Variants in HCRTR2 observed in about 807,000 individuals in gnomAD.
The protein encoded by HCRTR2 is orexin receptor type 2.
Under a neutral mutation model 49.0 loss-of-function variants are expected in HCRTR2, and 22 were observed. That is an observed-to-expected ratio of 0.45 (90% CI 0.32 to 0.64). The LOEUF (loss-of-function observed/expected upper bound fraction) is 0.64. HCRTR2 is among the 30% of genes least tolerant of loss of function. HCRTR2 has a pLI of 0.04. For missense variants in HCRTR2, 491 were observed against 559.4 expected (o/e 0.88, Z 1.23); for synonymous variants, 236 against 205.3 (o/e 1.15, Z -1.28).
At chr6:55,147,890 T>A (rs1764616178) in intron 1 of HCRTR2, among the ~76,000 whole-genome samples, 1 of 152,092 alleles carries the variant, frequency 6.6e-6, no homozygotes, top group Non-Finnish European at 1.5e-5. Context: ...TAAATGGAAT[T>A]GTTAGAGTTT....
Position 55,140,177 on chromosome 6 carries a change from G to T in HCRTR2, c.-378+33632G>T, listed in dbSNP as rs75701446. ...AATCTGACCCTTTTTTTAGTGAATG[G>T]AAAACCAACCAGATATCTCCCACAA... On this transcript the variant is annotated intron_variant, in intron 1 of 7. Transcript: ENST00000615358. 5.9e-3 allele frequency among the ~76,000 whole-genome samples: 899 copies of T among 152,062 alleles called. 13 individuals are homozygous for T. Among genetic ancestry groups the T allele is most frequent in the African/African-American group, 0.021 (873 of 41,480 alleles).
chr6:55,238,822 T>A (rs1766264535), intron 1 of HCRTR2, among the ~76,000 whole-genome samples: 1 of 152,134 alleles, frequency 6.6e-6, no homozygotes, highest in African/African-American at 2.4e-5. Context: ...TAAAGACAGA[T>A]ATGCGGTGAA....
chr6:55,202,299 C>T (rs1175212779), intron 1 of HCRTR2, among the ~76,000 whole-genome samples: 1 of 152,114 alleles, frequency 6.6e-6, no homozygotes, highest in Non-Finnish European at 1.5e-5. Flanking sequence ...TACTCTCAAC[C>T]CACTCATGAA....
Position 55,281,586 on chromosome 6 carries a change from C to T in HCRTR2, c.1106-639C>T, listed in dbSNP as rs531025761. 3.7e-4 allele frequency among the ~76,000 whole-genome samples: 57 copies of T among 152,280 alleles called. 1 individual carries two copies. The South Asian group carries it at 0.011, about 28-fold the overall frequency. Reference sequence around the variant, plus strand: ...TGAGGCTAAGAGAGAAGAAATGATTCGCAATACTGCCATTCACACTAATAA... The same window carrying T: ...TGAGGCTAAGAGAGAAGAAATGATTTGCAATACTGCCATTCACACTAATAA... On this transcript the variant is annotated intron_variant, in intron 6 of 6. Coordinates refer to ENST00000370862, the MANE Select transcript of HCRTR2 (RefSeq NM_001384272.1).
chr6:55,240,953 TTTTG>T (rs1210551100), intron 1 of HCRTR2, among the ~76,000 whole-genome samples: 1 of 151,814 alleles, frequency 6.6e-6, no homozygotes, highest in Non-Finnish European at 1.5e-5. Context: ...CCTTCTTTTT[TTTTG>T]TTTTCTTTTC....
intron 1 of HCRTR2, among the ~76,000 whole-genome samples, chr6:55,177,287 T>G (rs1181913372): frequency 1.3e-5 from 2 of 152,194 alleles, no homozygotes; most frequent in Non-Finnish European, 2.9e-5. Flanking sequence ...CCTCTCTGGT[T>G]GAACTGAAAT....
chr6:55,213,776 A>C (rs1253067674), intron 1 of HCRTR2, among the ~76,000 whole-genome samples: 1 of 152,150 alleles, frequency 6.6e-6, no homozygotes, highest in African/African-American at 2.4e-5. Flanking sequence ...CCTAAATACA[A>C]GTGCTAATTG....
intron 1 of HCRTR2, among the ~76,000 whole-genome samples, chr6:55,202,319 C>T (rs1287939055): frequency 6.6e-6 from 1 of 152,172 alleles, no homozygotes; most frequent in Admixed American, 6.5e-5. Context: ...AATTAAAGCA[C>T]ATTGGAAAAC....
intron 1 of HCRTR2, among the ~76,000 whole-genome samples, chr6:55,245,131 G>T (rs2127308929): frequency 6.6e-6 from 1 of 151,684 alleles, no homozygotes; most frequent in South Asian, 2.1e-4. Context: ...TTTTGCTTAA[G>T]ATTCATTTGA....
At chr6:55,195,500 A>G (rs569437656) in intron 1 of HCRTR2, among the ~76,000 whole-genome samples, 1 of 152,318 alleles carries the variant, frequency 6.6e-6, no homozygotes, top group African/African-American at 2.4e-5. Flanking sequence ...TCAGGAATTG[A>G]TCCAGTTTTT....
chr6:55,247,708 T>C (rs1766473175), intron 1 of HCRTR2, among the ~76,000 whole-genome samples: 1 of 152,124 alleles, frequency 6.6e-6, no homozygotes, highest in African/African-American at 2.4e-5. Flanking sequence ...CTGGGTGTTC[T>C]TTCAGTAAAG....
downstream of HCRTR2, among the ~76,000 whole-genome samples, chr6:55,284,670 A>T (rs1057461159): frequency 1.4e-4 from 19 of 131,744 alleles, no homozygotes; most frequent in African/African-American, 5.2e-4. Flanking sequence ...TCATCTTATT[A>T]AAAAAAAAAC....
intron 1 of HCRTR2, among the ~76,000 whole-genome samples, chr6:55,182,035 TA>T (rs1434920258): frequency 1.3e-5 from 2 of 152,236 alleles, no homozygotes; most frequent in African/African-American, 2.4e-5. Context: ...TATGCCATAG[TA>T]GCAAACAAAC....
chr6:55,113,636 A>T (rs751334931), intron 1 of HCRTR2, among the ~76,000 whole-genome samples: 16 of 142,808 alleles, frequency 1.1e-4, no homozygotes, highest in Non-Finnish European at 2.0e-4. Flanking sequence ...ATTAAAAAAT[A>T]AAAAAAAAAT....
intron 1 of HCRTR2, among the ~76,000 whole-genome samples, chr6:55,129,761 T>C (rs937045497): frequency 2.0e-5 from 3 of 152,030 alleles, no homozygotes; most frequent in Non-Finnish European, 4.4e-5. Context: ...CTTTTTACTT[T>C]GTCCCTATAA....
intron 3 of HCRTR2, 38 bp from the exon 4 acceptor site, chr6:55,263,669 T>C (rs1253621574): frequency 9.4e-7 from 1 of 1,067,470 alleles, no homozygotes; most frequent in Admixed American, 1.7e-5. Context: ...GTCCATCAAT[T>C]GTAACGTAAG....
intron 1 of HCRTR2, among the ~76,000 whole-genome samples, chr6:55,114,292 A>C (rs1764088210): frequency 1.6e-4 from 1 of 6,160 alleles, no homozygotes; most frequent in African/African-American, 4.5e-4. Context: ...AAAATATATC[A>C]TTCAAATTAA....
At chr6:55,132,751 CTTTTT>C (rs35184458) in intron 1 of HCRTR2, among the ~76,000 whole-genome samples, 1 of 139,840 alleles carries the variant, frequency 7.2e-6, no homozygotes, top group African/African-American at 2.6e-5. Flanking sequence ...CTCTCTCTCT[CTTTTT>C]TTTTTTTTTT....
At chr6:55,274,081 CTG>C (rs1767026379) in intron 4 of HCRTR2, among the ~76,000 whole-genome samples, 1 of 151,338 alleles carries the variant, frequency 6.6e-6, no homozygotes, top group South Asian at 2.1e-4. Context: ...AGAAAAAAGA[CTG>C]TCGTGGTATT....
Sources: gnomAD v4.1 joint callset for allele counts (sites outside exome capture counted in the v4.1 genomes callset) on GRCh38, gnomAD v4.1.1 for gene constraint, MANE v1.5 for transcripts, NCBI Gene and HGNC (gene_info 2026-07-23, HGNC 2026-07-21) for gene names.